The following GALNT13 variants were observed in gnomAD, a reference collection of about 807,000 sequenced individuals.
GALNT13 encodes the protein polypeptide N-acetylgalactosaminyltransferase 13.
GALNT13 carries 28 observed loss-of-function variants against 64.2 expected under a neutral mutation model. That is an observed-to-expected ratio of 0.44 (90% CI 0.32 to 0.60). The LOEUF is 0.60. Ranked by LOEUF, GALNT13 falls within the 20% of genes least tolerant of loss-of-function variation. The pLI is 0.05. For synonymous variants in GALNT13, 214 were observed against 224.6 expected, an observed-to-expected ratio of 0.95 and a Z score of 0.42; for missense variants, 577 against 669.8, an observed-to-expected ratio of 0.86 and a Z score of 1.53.
intron 3 of GALNT13, among the ~76,000 whole-genome samples, chr2:154,115,790 T>A (rs1703265283): frequency 6.6e-6 from 1 of 152,148 alleles, no homozygotes; most frequent in Non-Finnish European, 1.5e-5. Context: ...TGGGCCCAAA[T>A]CAATCAGTTC....
At chr2:154,352,065 C>A (rs1696441207) in intron 9 of GALNT13, among the ~76,000 whole-genome samples, 1 of 152,108 alleles carries the variant, frequency 6.6e-6, no homozygotes, top group Non-Finnish European at 1.5e-5. Context: ...CAAACTAGTT[C>A]ATATATTCTT....
At chr2:154,082,569 A>G (rs906478352) in intron 3 of GALNT13, among the ~76,000 whole-genome samples, 2 of 151,748 alleles carry the variant, frequency 1.3e-5, no homozygotes, top group Non-Finnish European at 2.9e-5. Context: ...TAAATATTTC[A>G]TCGAATGAAT....
chr2:153,451,535 A>G, the GALNT13 span, among the ~76,000 whole-genome samples: 5 of 152,208 alleles, frequency 3.3e-5, no homozygotes, highest in African/African-American at 4.8e-5. Context: ...GCTCCATTTT[A>G]GCAAGAGAAA....
the GALNT13 span, among the ~76,000 whole-genome samples, chr2:153,448,527 C>T: frequency 1.3e-5 from 2 of 152,158 alleles, no homozygotes; most frequent in African/African-American, 4.8e-5. Context: ...TTGATCACAA[C>T]TATCAAATCT....
At chr2:153,618,506 A>G in the GALNT13 span, among the ~76,000 whole-genome samples, 1 of 151,870 alleles carries the variant, frequency 6.6e-6, no homozygotes, top group Non-Finnish European at 1.5e-5. Context: ...CAGCTCTTGG[A>G]TAAAATGCTC....
chr2:154,037,955 A>T (rs1698759289), intron 3 of GALNT13, among the ~76,000 whole-genome samples: 7 of 152,032 alleles, frequency 4.6e-5, no homozygotes, highest in Admixed American at 4.6e-4. Context: ...GGAGTTCAAG[A>T]CCCACAACAT....
intron 2 of GALNT13, among the ~76,000 whole-genome samples, chr2:153,924,150 C>T (rs1020048238): frequency 6.6e-6 from 1 of 152,022 alleles, no homozygotes; most frequent in South Asian, 2.1e-4. Context: ...ACAGATCATC[C>T]CATCACCTTT....
At position 154,148,083 on chromosome 2, in the gene GALNT13, T is replaced by A. The variant is rs182086242; in HGVS notation, c.311+7578T>A. On this transcript the variant is annotated intron_variant, in intron 4 of 12. Coordinates refer to ENST00000392825, the MANE Select transcript of GALNT13 (RefSeq NM_052917.4). ...TCCCTCCACCCTCCACCTTCCCCCC[T>A]CCCCACAACAGTCCCCAGAGTGTGA... Among the ~76,000 whole-genome samples the A allele has an allele frequency of 4.9e-3, 735 of 151,278 alleles. 4 individuals carry two copies. The highest frequency in any genetic ancestry group is 0.017 in the African/African-American group (700 of 41,308).
At chr2:153,322,001 A>G in the GALNT13 span, among the ~76,000 whole-genome samples, 5,853 of 66,646 alleles carry the variant, frequency 0.088, 404 homozygotes, top group African/African-American at 0.21. Context: ...TGTGTGTGTA[A>G]ATTTAAGTAC....
chr2:154,083,459 G>T (rs62171160), intron 3 of GALNT13, among the ~76,000 whole-genome samples: 1 of 151,988 alleles, frequency 6.6e-6, no homozygotes, highest in Non-Finnish European at 1.5e-5. Context: ...AAAGACAATG[G>T]TGGCTTGATG....
At chr2:153,538,232 T>C in the GALNT13 span, among the ~76,000 whole-genome samples, 1 of 152,024 alleles carries the variant, frequency 6.6e-6, no homozygotes, top group African/African-American at 2.4e-5. Context: ...GCTGGCATTT[T>C]TCCCCTGCCC....
intron 9 of GALNT13, among the ~76,000 whole-genome samples, chr2:154,379,413 G>A (rs1559123543): frequency 6.6e-6 from 1 of 151,908 alleles, no homozygotes. Flanking sequence ...TCATGGTTAT[G>A]AAGCTGTGAA....
the GALNT13 span, among the ~76,000 whole-genome samples, chr2:153,822,557 A>G: frequency 6.6e-6 from 1 of 152,340 alleles, no homozygotes; most frequent in East Asian, 1.9e-4. Flanking sequence ...AATCCTGAAC[A>G]AACTAGGCAT....
the GALNT13 span, among the ~76,000 whole-genome samples, chr2:153,657,269 A>G: frequency 1.3e-5 from 2 of 152,130 alleles, no homozygotes; most frequent in African/African-American, 4.8e-5. Flanking sequence ...GGGGGAAGTT[A>G]TTAAATTTTT....
chr2:153,603,625 GA>G, the GALNT13 span, among the ~76,000 whole-genome samples: 1 of 151,894 alleles, frequency 6.6e-6, no homozygotes, highest in Non-Finnish European at 1.5e-5. Flanking sequence ...ACTTTGCTGT[GA>G]AAATAATTAA....
At chr2:154,448,987 A>G (rs928001537) in intron 12 of GALNT13, among the ~76,000 whole-genome samples, 1 of 152,060 alleles carries the variant, frequency 6.6e-6, no homozygotes, top group Non-Finnish European at 1.5e-5. Flanking sequence ...TTGATTTTTA[A>G]CTAGAACTGT....
chr2:153,785,206 C>T, the GALNT13 span, among the ~76,000 whole-genome samples: 1 of 152,194 alleles, frequency 6.6e-6, no homozygotes, highest in Non-Finnish European at 1.5e-5. Flanking sequence ...ACCCTCAGCA[C>T]AGCACAGCTG....
chr2:153,813,265 T>G, the GALNT13 span, among the ~76,000 whole-genome samples: 1 of 152,286 alleles, frequency 6.6e-6, no homozygotes, highest in South Asian at 2.1e-4. Flanking sequence ...CATACTCTTG[T>G]TTAGGATTCC....
At chr2:153,584,174 T>C in the GALNT13 span, among the ~76,000 whole-genome samples, 1 of 152,140 alleles carries the variant, frequency 6.6e-6, no homozygotes, top group Non-Finnish European at 1.5e-5. Context: ...AGTGCATCAG[T>C]GGTTGCTCCT....
Sources: gnomAD v4.1 joint callset for allele counts (sites outside exome capture counted in the v4.1 genomes callset) on GRCh38, gnomAD v4.1.1 for gene constraint, MANE v1.5 for transcripts, NCBI Gene and HGNC (gene_info 2026-07-23, HGNC 2026-07-21) for gene names.